The following DOCK3 variants were observed in gnomAD, a reference collection of about 807,000 sequenced individuals.
DOCK3 encodes the protein dedicator of cytokinesis 3, also known as dedicator of cytokinesis protein 3.
In DOCK3, 60 loss-of-function variants were observed where a neutral mutation model predicts 265.6. The ratio of observed to expected loss-of-function variants is 0.23; its 90% CI spans 0.18 to 0.28. DOCK3 has a LOEUF of 0.28. Among genes scored for constraint, DOCK3 ranks in the 10% least tolerant of loss-of-function variants. DOCK3 has a pLI of 1.00. For synonymous variants in DOCK3, 881 were observed against 938.0 expected, an observed-to-expected ratio of 0.94 and a Z score of 1.11; for missense variants, 1,981 against 2,594.3, an observed-to-expected ratio of 0.76 and a Z score of 5.14.
chr3:50,747,929 G>A (rs956685968), intron 1 of DOCK3, among the ~76,000 whole-genome samples: 27 of 152,064 alleles, frequency 1.8e-4, no homozygotes, highest in African/African-American at 6.5e-4. Flanking sequence ...ATAGAAATGT[G>A]GTTGTTTTTT....
chr3:51,043,229 A>G (rs1351411462), intron 5 of DOCK3, among the ~76,000 whole-genome samples: 3 of 152,212 alleles, frequency 2.0e-5, no homozygotes, highest in Non-Finnish European at 4.4e-5. Flanking sequence ...TACTGGTACA[A>G]GAACAGACAC....
chr3:51,284,275 A>G (rs2081293174), intron 27 of DOCK3, among the ~76,000 whole-genome samples: 2 of 152,170 alleles, frequency 1.3e-5, no homozygotes, highest in South Asian at 4.1e-4. Flanking sequence ...ATGTGAGCAC[A>G]TAAATACTTC....
At chr3:50,982,819 AG>A (rs1482759174) in intron 5 of DOCK3, among the ~76,000 whole-genome samples, 8 of 152,202 alleles carry the variant, frequency 5.3e-5, no homozygotes, top group African/African-American at 1.9e-4. Flanking sequence ...GGGGACCTGG[AG>A]CTCCTGCCCC....
chr3:51,190,696 C>A (rs887644529), intron 12 of DOCK3, among the ~76,000 whole-genome samples: 1 of 152,112 alleles, frequency 6.6e-6, no homozygotes, highest in Admixed American at 6.6e-5. Flanking sequence ...CTTATGTTAC[C>A]CAGGAGAGGT....
At position 51,106,121 on chromosome 3, in the gene DOCK3, A is replaced by G. The variant is rs76520067; in HGVS notation, c.746+15737A>G. Among the ~76,000 whole-genome samples, 462 of 152,308 alleles carry G rather than the reference A, an allele frequency of 3.0e-3. 5 individuals carry two copies. The highest frequency in any genetic ancestry group is 0.01 in the African/African-American group (424 of 41,568). On this transcript the variant is annotated intron_variant, in intron 9 of 52. Transcript: ENST00000266037. ...CTCCCGCTAGGCTTCACTTGCTCCA[A>G]TAGGAGACTTTAGCCCCTAGAGGAA...
At chr3:51,105,524 T>A (rs576193090) in intron 9 of DOCK3, among the ~76,000 whole-genome samples, 1 of 152,180 alleles carries the variant, frequency 6.6e-6, no homozygotes, top group African/African-American at 2.4e-5. Context: ...AACAGGAGAA[T>A]TGATAAATAA....
In DOCK3 at chr3:51,356,399, C is replaced by T; in HGVS notation, c.4417-8C>T. 1.2e-6 allele frequency: 2 copies of T among 1,613,726 alleles called. No individual in the cohort carries two copies. The highest frequency in any genetic ancestry group is 1.7e-6 in the Non-Finnish European group (2 of 1,179,824). On this transcript the variant is annotated splice_region_variant and splice_polypyrimidine_tract_variant and intron_variant, in intron 42 of 52. Coordinates refer to ENST00000266037, the MANE Select transcript of DOCK3 (RefSeq NM_004947.5). Reference sequence around the variant, plus strand: ...AACTGCCCATACCTGCCTGTTCCCTCCCTACAGAGCCTGTGGATTGAACGT... The same window carrying T: ...AACTGCCCATACCTGCCTGTTCCCTTCCTACAGAGCCTGTGGATTGAACGT...
chr3:50,978,870 G>A (rs1261284393), intron 5 of DOCK3, among the ~76,000 whole-genome samples: 7 of 152,194 alleles, frequency 4.6e-5, no homozygotes, highest in South Asian at 2.1e-4. Flanking sequence ...TAAGCCCGTC[G>A]GAAAAGCGCA....
intron 9 of DOCK3, among the ~76,000 whole-genome samples, chr3:51,141,227 T>G (rs1384436698): frequency 1.3e-5 from 2 of 151,696 alleles, no homozygotes; most frequent in Admixed American, 1.3e-4. Context: ...GGTGCCAATA[T>G]TTTAATCCAG....
chr3:51,315,222 G>A, intron 32 of DOCK3, 94 bp downstream of exon 32: 1 of 1,416,728 alleles, frequency 7.1e-7, no homozygotes, highest in Non-Finnish European at 9.4e-7. Flanking sequence ...TTCTAGTGGG[G>A]ATGGGCTGTA....
chr3:50,911,239 A>G (rs1331325004), intron 4 of DOCK3, among the ~76,000 whole-genome samples: 1 of 152,068 alleles, frequency 6.6e-6, no homozygotes, highest in East Asian at 1.9e-4. Flanking sequence ...TGCCCAGACA[A>G]ATGTGCTGAG....
intron 5 of DOCK3, among the ~76,000 whole-genome samples, chr3:50,978,803 TG>T (rs977111909): frequency 3.3e-5 from 5 of 152,192 alleles, no homozygotes; most frequent in African/African-American, 1.2e-4. Flanking sequence ...TGAGTCTCCG[TG>T]GGCGTAGGAC....
chr3:51,120,408 A>G (rs1045674813), intron 9 of DOCK3, among the ~76,000 whole-genome samples: 1 of 152,124 alleles, frequency 6.6e-6, no homozygotes, highest in African/African-American at 2.4e-5. Context: ...GTCGACCCCT[A>G]CTGGGAGTTG....
chr3:50,703,520 C>G (rs1336379594), intron 1 of DOCK3, among the ~76,000 whole-genome samples: 2 of 150,396 alleles, frequency 1.3e-5, no homozygotes, highest in Non-Finnish European at 3.0e-5. Context: ...TACTATTGGT[C>G]TGTTCAGGTT....
At position 51,075,431 on chromosome 3, in the gene DOCK3, C is replaced by G; in HGVS notation, c.540C>G (p.Leu180=). 1 of 1,605,130 alleles carries G rather than the reference C, an allele frequency of 6.2e-7. No individual in the cohort carries two copies. The highest frequency in any genetic ancestry group is 8.5e-7 in the Non-Finnish European group (1 of 1,176,388). The change falls in exon 7 of 53, where the codon CTC becomes CTG. Residue 180 remains leucine, a synonymous_variant. Transcript: ENST00000266037. ...VDSDQISVSD[L]YKMHLSSRQS... ...CGGACCAGATTAGTGTCTCAGATCT[C>G]TATAAGATGGTAAGAAATCTAACAT...
intron 5 of DOCK3, among the ~76,000 whole-genome samples, chr3:50,956,119 A>G (rs1420419236): frequency 6.6e-6 from 1 of 150,808 alleles, no homozygotes; most frequent in African/African-American, 2.4e-5. Context: ...ATTTGCATTT[A>G]GTTCAGAATT....
At chr3:50,787,245 C>T (rs781345418) in intron 2 of DOCK3, 6 of 542,050 alleles carry the variant, frequency 1.1e-5, no homozygotes, top group South Asian at 1.9e-5. Flanking sequence ...CTCCAGACAC[C>T]AGTGAGCATT....
rs192229027 is a variant in DOCK3 at position 51,127,473 on chromosome 3, G to A, written c.747-19076G>A. Among the ~76,000 whole-genome samples the A allele has an allele frequency of 6.1e-4, 93 of 152,126 alleles. 1 individual carries two copies. Among genetic ancestry groups the A allele is most frequent in the Non-Finnish European group, 6.8e-4 (46 of 68,010 alleles). On this transcript the variant is annotated intron_variant, in intron 9 of 52. Transcript: ENST00000266037. ...TAATACAACTATCCTTCACATAACC[G>A]GAAACGTACCAATCCCCAACCCAAA...
At chr3:50,909,571 G>A (rs1365279110) in intron 4 of DOCK3, among the ~76,000 whole-genome samples, 1 of 151,490 alleles carries the variant, frequency 6.6e-6, no homozygotes, top group Non-Finnish European at 1.5e-5. Context: ...TTTCCACTGA[G>A]GGGTCTGCTG....
Sources: gnomAD v4.1 joint callset for allele counts (sites outside exome capture counted in the v4.1 genomes callset) on GRCh38, gnomAD v4.1.1 for gene constraint, MANE v1.5 for transcripts, NCBI Gene and HGNC (gene_info 2026-07-23, HGNC 2026-07-21) for gene names.